The following ADAM7 variants were observed in gnomAD, a reference collection of about 807,000 sequenced individuals.
The protein encoded by ADAM7 is disintegrin and metalloproteinase domain-containing protein 7.
In ADAM7, 97 loss-of-function variants were observed where a neutral mutation model predicts 102.9. The observed-to-expected ratio is 0.94, with a 90% CI of 0.80 to 1.12. The LOEUF (loss-of-function observed/expected upper bound fraction) is 1.12, where lower values mean the gene tolerates loss of function less well. ADAM7 is among the 50% of genes most tolerant of loss of function. The probability of loss-of-function intolerance (pLI) is 0.00; values close to 1 mark genes in which losing one functional copy is unlikely to be tolerated. For missense variants in ADAM7, 991 were observed against 908.7 expected, an observed-to-expected ratio of 1.09 and a Z score of -1.16; for synonymous variants, 334 against 304.4, an observed-to-expected ratio of 1.10 and a Z score of -1.01.
rs750100011 is a variant in ADAM7 at position 24,489,181 on chromosome 8, A to G, written c.1114A>G (p.Lys372Glu). The change falls in exon 12 of 22, where the codon AAA (lysine) becomes GAA (glutamate). Residue 372 changes from lysine to glutamate, a missense_variant. By Grantham distance (56) the Lys-to-Glu change is moderately conservative. Transcript: ENST00000175238. The stretch of plus-strand genomic sequence containing the variant: ...TAGCATTCCTGCACTGAAATTCAGT[A>G]AATGCAGCCAAAACCAATACCACCA... ...DGSIPALKFS[K>E]CSQNQYHQYL... 1 of 1,611,606 alleles carries G rather than the reference A, an allele frequency of 6.2e-7. No homozygotes were observed. The highest frequency in any genetic ancestry group is 2.2e-5 in the East Asian group (1 of 44,840).
chr8:24,500,156 A>T (rs747587611), intron 17 of ADAM7, 22 bp from the exon 18 acceptor site: 7 of 1,595,448 alleles, frequency 4.4e-6, no homozygotes, highest in Middle Eastern at 1.7e-4. Context: ...ATTTGAGAAT[A>T]TATCATTGAC....
intron 11 of ADAM7, among the ~76,000 whole-genome samples, 195 bp downstream of exon 11, chr8:24,487,512 G>T (rs919551076): frequency 6.6e-6 from 1 of 151,984 alleles, no homozygotes; most frequent in Non-Finnish European, 1.5e-5. Flanking sequence ...CAGGCTGGTG[G>T]CACATGCGTG....
chr8:24,467,165 CAT>C (rs1819455363), intron 6 of ADAM7, 177 bp downstream of exon 6: 1 of 624,424 alleles, frequency 1.6e-6, no homozygotes, highest in Non-Finnish European at 2.8e-6. Context: ...GTGTTTATTT[CAT>C]AGAGTTTGTT....
At chr8:24,471,490 A>T (rs555770057) in intron 7 of ADAM7, among the ~76,000 whole-genome samples, 104 of 149,324 alleles carry the variant, frequency 7.0e-4, no homozygotes, top group African/African-American at 2.2e-3. Context: ...CATTTATACC[A>T]TTTTTTATTG....
chr8:24,502,645 G>A (rs892407190), intron 20 of ADAM7, among the ~76,000 whole-genome samples: 1 of 151,856 alleles, frequency 6.6e-6, no homozygotes, highest in African/African-American at 2.4e-5. Context: ...GCAATGAAAT[G>A]GAAATTTTTG....
rs148315528 is a variant in ADAM7 at position 24,481,313 on chromosome 8, A to G, written c.706-829A>G. Among the ~76,000 whole-genome samples the G allele has an allele frequency of 3.9e-3, 597 of 152,326 alleles. 4 individuals carry two copies. The highest frequency in any genetic ancestry group is 0.013 in the African/African-American group (547 of 41,576). Reference sequence around the variant, plus strand: ...AATATTAACAGAAGTTTATTGTTATAGGAATGATATAATTATTACACTTCT... The same window carrying G: ...AATATTAACAGAAGTTTATTGTTATGGGAATGATATAATTATTACACTTCT... On this transcript the variant is annotated intron_variant, in intron 8 of 21. Transcript: ENST00000175238.
At chr8:24,458,726 G>C (rs1378896880) in intron 3 of ADAM7, among the ~76,000 whole-genome samples, 2 of 151,936 alleles carry the variant, frequency 1.3e-5, no homozygotes, top group Non-Finnish European at 2.9e-5. Flanking sequence ...CACTTTTCCT[G>C]ATCTTAAAGG....
chr8:24,503,802 C>T (rs1047736113), intron 20 of ADAM7, among the ~76,000 whole-genome samples: 6 of 152,012 alleles, frequency 3.9e-5, no homozygotes, highest in Non-Finnish European at 7.4e-5. Context: ...CGCATGTTCT[C>T]ACTCATAAGT....
At chr8:24,503,175 A>C (rs924920572) in intron 20 of ADAM7, among the ~76,000 whole-genome samples, 1 of 152,198 alleles carries the variant, frequency 6.6e-6, no homozygotes, top group African/African-American at 2.4e-5. Flanking sequence ...TTATTTGAAA[A>C]AATTATGTCT....
intron 13 of ADAM7, 139 bp downstream of exon 13, chr8:24,491,027 T>C: frequency 1.3e-6 from 1 of 780,504 alleles, no homozygotes; most frequent in Admixed American, 2.6e-5. Context: ...ACAGAGATTC[T>C]TGTGAGATGC....
chr8:24,499,225 T>C lies in ADAM7; in HGVS notation c.1843-11T>C, dbSNP rs752577099. On this transcript the variant is annotated splice_polypyrimidine_tract_variant and intron_variant, in intron 16 of 21. Coordinates refer to ENST00000175238, the MANE Select transcript of ADAM7 (RefSeq NM_003817.4). The stretch of plus-strand genomic sequence containing the variant: ...GTCATTTTAATTCATGCTTGGTTAC[T>C]TCATTTCTAGGTGTGCAACAATGGT... 3.8e-6 allele frequency: 6 copies of C among 1,567,566 alleles called. No homozygotes were observed. In the Admixed American group the frequency reaches 5.7e-5, roughly 15 times the overall value.
intron 3 of ADAM7, among the ~76,000 whole-genome samples, chr8:24,453,551 T>C (rs571147609): frequency 1.3e-5 from 2 of 152,314 alleles, no homozygotes; most frequent in Admixed American, 1.3e-4. Flanking sequence ...TGTACACTCA[T>C]CTAAATTTTT....
At chr8:24,469,404 A>G (rs1439690946) in intron 7 of ADAM7, among the ~76,000 whole-genome samples, 1 of 152,196 alleles carries the variant, frequency 6.6e-6, no homozygotes, top group Non-Finnish European at 1.5e-5. Flanking sequence ...GTAAAATGTT[A>G]CACATGGGAA....
At chr8:24,495,384 C>A (rs371799881) in intron 16 of ADAM7, among the ~76,000 whole-genome samples, 4 of 151,290 alleles carry the variant, frequency 2.6e-5, no homozygotes, top group African/African-American at 9.8e-5. Context: ...ATTATGCACA[C>A]GCTTGAAATA....
chr8:24,466,729 G>C, intron 5 of ADAM7, 70 bp from the exon 6 acceptor site: 1 of 1,445,928 alleles, frequency 6.9e-7, no homozygotes, highest in Non-Finnish European at 9.4e-7. Context: ...TTCTTGAAAA[G>C]GCAAAGTCAA....
intron 7 of ADAM7, among the ~76,000 whole-genome samples, chr8:24,469,524 C>T (rs762183056): frequency 5.9e-5 from 9 of 152,002 alleles, no homozygotes; most frequent in Non-Finnish European, 1.2e-4. Flanking sequence ...ATTAGAGAAC[C>T]GCTAAACTGC....
At chr8:24,448,219 T>C (rs974334824) in intron 3 of ADAM7, among the ~76,000 whole-genome samples, 1 of 152,146 alleles carries the variant, frequency 6.6e-6, no homozygotes, top group African/African-American at 2.4e-5. Context: ...GAATTATAGG[T>C]ACAATGAAAA....
At chr8:24,449,712 G>T (rs1445306491) in intron 3 of ADAM7, among the ~76,000 whole-genome samples, 1 of 152,142 alleles carries the variant, frequency 6.6e-6, no homozygotes, top group Non-Finnish European at 1.5e-5. Flanking sequence ...TTTTAGACAT[G>T]AAGTCCTTGC....
At chr8:24,493,985 C>G (rs889084161) in intron 16 of ADAM7, among the ~76,000 whole-genome samples, 1 of 152,046 alleles carries the variant, frequency 6.6e-6, no homozygotes, top group African/African-American at 2.4e-5. Flanking sequence ...GGCAAGATGA[C>G]AACATTAGAA....
Sources: gnomAD v4.1 joint callset for allele counts (sites outside exome capture counted in the v4.1 genomes callset) on GRCh38, gnomAD v4.1.1 for gene constraint, MANE v1.5 for transcripts, NCBI Gene and HGNC (gene_info 2026-07-23, HGNC 2026-07-21) for gene names.